The following TOPAZ1 variants were observed in gnomAD, a reference collection of about 807,000 sequenced individuals.
TOPAZ1 encodes the protein testis and ovary specific TOPAZ 1, also known as protein TOPAZ1.
Under a neutral mutation model 172.2 loss-of-function variants are expected in TOPAZ1, and 66 were observed. That is an observed-to-expected ratio of 0.38 (90% confidence interval 0.31 to 0.47). The LOEUF (loss-of-function observed/expected upper bound fraction) is 0.47. TOPAZ1 is among the 20% of genes least tolerant of loss of function. The pLI is 0.99. For synonymous variants in TOPAZ1, 681 were observed against 683.9 expected (o/e 1.00, Z 0.07); for missense variants, 1,822 against 1,972.4 (o/e 0.92, Z 1.44).
chr3:44,311,603 C>CT (rs1157213636), intron 16 of TOPAZ1, among the ~76,000 whole-genome samples: 3 of 151,788 alleles, frequency 2.0e-5, no homozygotes, highest in African/African-American at 7.3e-5. Context: ...AAGCAGTATT[C>CT]TTTTTTTTGC....
At chr3:44,274,291 CT>C (rs766499640) in intron 8 of TOPAZ1, among the ~76,000 whole-genome samples, 3 of 151,462 alleles carry the variant, frequency 2.0e-5, no homozygotes, top group Non-Finnish European at 4.4e-5. Flanking sequence ...CGCCCAGCTA[CT>C]TGGGAGGCTG....
chr3:44,335,983 T>C (rs1323684936), downstream of TOPAZ1, among the ~76,000 whole-genome samples: 1 of 152,248 alleles, frequency 6.6e-6, no homozygotes, highest in Admixed American at 6.5e-5. Flanking sequence ...AAAGGCTTTT[T>C]CACTGGGAAT....
In TOPAZ1 at chr3:44,243,842, T is replaced by C; in HGVS notation, c.1336T>C (p.Phe446Leu). 6.4e-7 allele frequency: 1 copy of C among 1,551,618 alleles called. No individual in the cohort carries two copies. The highest frequency in any genetic ancestry group is 1.2e-5 in the South Asian group (1 of 83,970). The change falls in exon 2 of 20, where the codon TTT (phenylalanine) becomes CTT (leucine). Residue 446 changes from phenylalanine (F) to leucine (L), a missense_variant. Physicochemically the swap from Phe to Leu is conservative, Grantham distance 22. Transcript: ENST00000309765. Reference protein sequence around the residue: ...GYESMASKEDFKSMKSFIGKS... With the variant: ...GYESMASKEDLKSMKSFIGKS... ...TGAAAGCATGGCATCGAAAGAGGAT[T>C]TTAAATCGATGAAAAGCTTCATAGG... is the stretch of plus-strand genomic sequence containing the variant.
chr3:44,253,830 G>A (rs1332769229), intron 2 of TOPAZ1, among the ~76,000 whole-genome samples: 5 of 152,266 alleles, frequency 3.3e-5, no homozygotes, highest in African/African-American at 1.2e-4. Context: ...ATCTTTCTTG[G>A]CTAGGAAGTA....
Position 44,290,771 on chromosome 3 carries a change from C to T in TOPAZ1, c.3682C>T (p.Leu1228Phe). Residue 1228 changes from leucine to phenylalanine, a missense_variant and splice_region_variant, in exon 12 of 20, where the codon CTT becomes TTT. By Grantham distance (22) the Leu-to-Phe change is conservative. Transcript: ENST00000309765. ...CCACTCTTTCTTTTCTCTTCTACAG[C>T]TTGTTGAAGCCGGGATGGTGCTTGA... The part of the protein sequence containing the change: ...VPALIDIFCK[L>F]VEAGMVLDPE... 1 of 1,536,810 alleles carries T rather than the reference C, an allele frequency of 6.5e-7. No individual in the cohort carries two copies. Among genetic ancestry groups the T allele is most frequent in the Non-Finnish European group, 8.8e-7 (1 of 1,137,824 alleles).
intron 12 of TOPAZ1, among the ~76,000 whole-genome samples, chr3:44,299,787 T>A (rs1431743325): frequency 2.0e-5 from 3 of 148,886 alleles, no homozygotes; most frequent in East Asian, 3.9e-4. Context: ...AAATGATGAG[T>A]TCATGTCCTT....
intron 13 of TOPAZ1, among the ~76,000 whole-genome samples, chr3:44,304,901 T>G (rs574440546): frequency 1.3e-5 from 2 of 152,370 alleles, no homozygotes; most frequent in South Asian, 2.1e-4. Context: ...AAGACCTGGA[T>G]AATTAAAACA....
At position 44,331,877 on chromosome 3, in the gene TOPAZ1, A is replaced by G; in HGVS notation, c.4945A>G (p.Lys1649Glu). Residue 1649 changes from lysine to glutamate, a missense_variant, in exon 20 of 20, where the codon AAG becomes GAG. Lys to Glu is a moderately conservative substitution (Grantham distance 56). This residue lies in a region of TOPAZ1 where 333 missense variants were observed against 481.7 expected (regional missense o/e 0.69). Transcript: ENST00000309765. The part of the protein sequence containing the change: ...LIMAARISDP[K>E]LFVKHMTVNV... ...TATGGCTGCTCGTATATCAGATCCA[A>G]AGCTTTTCGTTAAACACATGACTGT... The G allele has an allele frequency of 6.4e-7, 1 of 1,551,926 alleles. No individual in the cohort carries two copies. The highest frequency in any genetic ancestry group is 8.7e-7 in the Non-Finnish European group (1 of 1,147,026).
intron 8 of TOPAZ1, among the ~76,000 whole-genome samples, chr3:44,276,089 A>G (rs1699951667): frequency 6.6e-6 from 1 of 152,088 alleles, no homozygotes; most frequent in South Asian, 2.1e-4. Flanking sequence ...TTCCTTGTAT[A>G]TTCTGGATAT....
chr3:44,271,006 G>A (rs1699890642), intron 8 of TOPAZ1, among the ~76,000 whole-genome samples, 196 bp downstream of exon 8: 2 of 152,090 alleles, frequency 1.3e-5, no homozygotes, highest in Admixed American at 1.3e-4. Context: ...AACACCTATT[G>A]TAGATGTTTC....
chr3:44,281,966 AG>A lies in TOPAZ1; in HGVS notation c.3373del, dbSNP rs1425916993. On this transcript the variant is annotated splice_acceptor_variant, in intron 8 of 19. Transcript: ENST00000309765. LOFTEE classifies it high-confidence loss of function. ...GTTTTACATTTTTCGTGACTTTTGCAGGTTTGCATGGATGTGTTTAAGAAAT... is the reference window on the plus strand; with the variant it reads ...GTTTTACATTTTTCGTGACTTTTGCAGTTTGCATGGATGTGTTTAAGAAAT... 6.5e-7 allele frequency: 1 copy of A among 1,541,262 alleles called. No homozygotes were observed. Among genetic ancestry groups the A allele is most frequent in the Admixed American group, 2.0e-5 (1 of 50,052 alleles).
At chr3:44,285,948 C>T (rs969024921) in intron 9 of TOPAZ1, among the ~76,000 whole-genome samples, 2 of 151,782 alleles carry the variant, frequency 1.3e-5, no homozygotes, top group African/African-American at 2.4e-5. Flanking sequence ...GTGGCTCATG[C>T]CTATAATTCC....
intron 18 of TOPAZ1, among the ~76,000 whole-genome samples, chr3:44,325,471 C>T (rs565651732): frequency 6.6e-6 from 1 of 152,254 alleles, no homozygotes; most frequent in East Asian, 1.9e-4. Context: ...TCTTCAACAC[C>T]TCCAGAAAAA....
chr3:44,314,049 A>T (rs1338820562), intron 16 of TOPAZ1, among the ~76,000 whole-genome samples: 4 of 151,716 alleles, frequency 2.6e-5, no homozygotes, highest in African/African-American at 4.8e-5. Context: ...TATATTATTT[A>T]TTTTTTTTGA....
intron 3 of TOPAZ1, among the ~76,000 whole-genome samples, chr3:44,255,694 CACACACACACACACACACACACACACAT>C (rs1198863230): frequency 8.4e-5 from 8 of 95,392 alleles, no homozygotes; most frequent in Admixed American, 1.2e-4. Context: ...CACACACACA[CACACACACACACACACACACACACACAT>C]ATATATATGG....
At chr3:44,252,975 C>G (rs1375472636) in intron 2 of TOPAZ1, among the ~76,000 whole-genome samples, 1 of 152,130 alleles carries the variant, frequency 6.6e-6, no homozygotes, top group Non-Finnish European at 1.5e-5. Flanking sequence ...GTGAAAGTGG[C>G]ATTTAAAATG....
chr3:44,265,786 G>T (rs936033065), intron 5 of TOPAZ1, among the ~76,000 whole-genome samples: 1 of 152,136 alleles, frequency 6.6e-6, no homozygotes, highest in Admixed American at 6.5e-5. Context: ...AATAGATTTA[G>T]CATAATTCTT....
At chr3:44,295,598 C>G (rs756505241) in intron 12 of TOPAZ1, among the ~76,000 whole-genome samples, 1 of 151,918 alleles carries the variant, frequency 6.6e-6, no homozygotes, top group Non-Finnish European at 1.5e-5. Context: ...ATATGAATAA[C>G]GAATTAAATA....
At chr3:44,264,921 C>T (rs926178708) in intron 5 of TOPAZ1, among the ~76,000 whole-genome samples, 10 of 152,162 alleles carry the variant, frequency 6.6e-5, no homozygotes, top group African/African-American at 2.4e-4. Flanking sequence ...CTTTAGGCTC[C>T]ACTTCTACTT....
Sources: gnomAD v4.1 joint callset for allele counts (sites outside exome capture counted in the v4.1 genomes callset) on GRCh38, gnomAD v4.1.1 for gene constraint, gnomAD v4.1.1 regional missense constraint, MANE v1.5 for transcripts, NCBI Gene and HGNC (gene_info 2026-07-23, HGNC 2026-07-21) for gene names.